Variants in PSIP1 observed in about 807,000 individuals in gnomAD.
The protein encoded by PSIP1 is PC4 and SRSF1 interacting protein 1, also known as PC4 and SFRS1-interacting protein.
Under a neutral mutation model 74.7 loss-of-function variants are expected in PSIP1, and 19 were observed. That is an observed-to-expected ratio of 0.25 (90% CI 0.18 to 0.37). The LOEUF (loss-of-function observed/expected upper bound fraction) is 0.37. Among genes scored for constraint, PSIP1 ranks in the 10% least tolerant of loss-of-function variants. The probability of loss-of-function intolerance (pLI) is 1.00; values close to 1 mark genes in which losing one functional copy is unlikely to be tolerated. For synonymous variants in PSIP1, 222 were observed against 195.3 expected (o/e 1.14, Z -1.14); for missense variants, 601 against 614.3 (o/e 0.98, Z 0.23).
At chr9:15,472,257 T>C (rs2035869432) in intron 10 of PSIP1, 1 of 996,016 alleles carries the variant, frequency 1.0e-6, no homozygotes, top group Admixed American at 6.0e-5. Context: ...GGTGGTGTGA[T>C]GAATAAGGGC....
At position 15,492,951 on chromosome 9, in the gene PSIP1, G is replaced by A. The variant is rs146576548; in HGVS notation, c.150-2827C>T. Among the ~76,000 whole-genome samples the A allele has an allele frequency of 4.0e-3, 607 of 152,312 alleles. 4 individuals carry two copies. The highest frequency in any genetic ancestry group is 8.5e-3 in the Admixed American group (130 of 15,298). ...CGCAGCAGGAAGGCCCGGGACCCAG[G>A]CCAGGAAACCATTTTTCCCTCCTAG... On this transcript the variant is annotated intron_variant, in intron 3 of 15. Transcript: ENST00000380733.
At chr9:15,466,487 G>C (rs2035635024) in intron 15 of PSIP1, among the ~76,000 whole-genome samples, 1 of 152,234 alleles carries the variant, frequency 6.6e-6, no homozygotes, top group African/African-American at 2.4e-5. Context: ...CAGTATCTCA[G>C]TAAAAGTAGT....
intron 3 of PSIP1, among the ~76,000 whole-genome samples, chr9:15,500,172 G>T (rs10283926): frequency 6.6e-6 from 1 of 152,210 alleles, no homozygotes; most frequent in Non-Finnish European, 1.5e-5. Flanking sequence ...TGCTGGTAAA[G>T]AGAGATCAAT....
intron 6 of PSIP1, among the ~76,000 whole-genome samples, chr9:15,482,506 G>C (rs537551572): frequency 6.0e-4 from 91 of 152,208 alleles, no homozygotes; most frequent in African/African-American, 2.1e-3. Context: ...TAATTTCCTA[G>C]TGTCCCAAGA....
At chr9:15,504,592 C>T (rs2037498322) in intron 3 of PSIP1, among the ~76,000 whole-genome samples, 2 of 151,992 alleles carry the variant, frequency 1.3e-5, no homozygotes, top group Admixed American at 6.6e-5. Flanking sequence ...AAAAAATTAG[C>T]CTGGCGTGGT....
chr9:15,488,787 C>T (rs1177725094), intron 4 of PSIP1, among the ~76,000 whole-genome samples: 7 of 151,942 alleles, frequency 4.6e-5, no homozygotes, highest in South Asian at 2.1e-4. Flanking sequence ...TCTGGGGGGC[C>T]GAGGCGGGCG....
chr9:15,466,974 A>AT, intron 14 of PSIP1, 115 bp from the exon 15 acceptor site: 1 of 724,972 alleles, frequency 1.4e-6, no homozygotes, highest in East Asian at 2.8e-5. Flanking sequence ...TCTACTACTT[A>AT]ATGTCTTTTA....
chr9:15,470,835 AAATG>A (rs2035792730), intron 10 of PSIP1: 2 of 1,053,352 alleles, frequency 1.9e-6, no homozygotes, highest in East Asian at 5.5e-5. Flanking sequence ...CTTCAAAACA[AAATG>A]AATTTTTATA....
rs770406689 is a variant in PSIP1, at chr9:15,465,506, C to G, written c.*14G>C. 2 of 1,527,534 alleles carry G rather than the reference C, an allele frequency of 1.3e-6. No individual in the cohort carries two copies. The highest frequency in any genetic ancestry group is 2.3e-5 in the South Asian group (2 of 85,412). 94.6% of individuals were successfully genotyped at this position (1,527,534 alleles called of 1,614,324 possible). A position where few individuals can be genotyped will look rare whatever the true frequency, so the allele number is the denominator to read the frequency against. ...AAACTTCTCAAGTGTTCTCTATATT[C>G]CAGGTATGTCAACCTAGTTATCTAG... On this transcript the variant is annotated 3_prime_UTR_variant, in exon 16 of 16. Coordinates refer to ENST00000380733, the MANE Select transcript of PSIP1 (RefSeq NM_033222.5).
intron 2 of PSIP1, among the ~76,000 whole-genome samples, chr9:15,509,227 C>T (rs1466124915): frequency 1.3e-5 from 2 of 152,082 alleles, no homozygotes; most frequent in African/African-American, 2.4e-5. Flanking sequence ...ACTTCAGAAC[C>T]CCATGTAAGT....
intron 10 of PSIP1, chr9:15,471,851 A>T: frequency 1.0e-6 from 1 of 970,814 alleles, no homozygotes; most frequent in Non-Finnish European, 1.2e-6. Flanking sequence ...TTTAAAAATC[A>T]CCTCACTAAA....
At chr9:15,494,006 T>C (rs1302465220) in intron 3 of PSIP1, among the ~76,000 whole-genome samples, 2 of 152,186 alleles carry the variant, frequency 1.3e-5, no homozygotes, top group Non-Finnish European at 2.9e-5. Context: ...CTGTCAGTTC[T>C]ATAAAGCTAG....
At chr9:15,503,791 G>T (rs1292858782) in intron 3 of PSIP1, among the ~76,000 whole-genome samples, 1 of 152,186 alleles carries the variant, frequency 6.6e-6, no homozygotes. Flanking sequence ...CTGTTGCCCA[G>T]GCTGGAGTGC....
chr9:15,500,738 G>C (rs534833526), intron 3 of PSIP1, among the ~76,000 whole-genome samples: 1 of 152,108 alleles, frequency 6.6e-6, no homozygotes. Flanking sequence ...TCCTAAAACT[G>C]AGCACCCAAC....
chr9:15,486,995 CTTTATT>C (rs2036585526), intron 4 of PSIP1, 64 bp from the exon 5 acceptor site: 4 of 1,073,444 alleles, frequency 3.7e-6, no homozygotes, highest in Middle Eastern at 3.0e-4. Flanking sequence ...ATATACAATT[CTTTATT>C]TTTATTTTTT....
chr9:15,471,431 A>T, intron 10 of PSIP1: 8 of 1,449,666 alleles, frequency 5.5e-6, no homozygotes, highest in Non-Finnish European at 7.3e-6. Context: ...GATAACTTTA[A>T]GATACTAAAG....
intron 3 of PSIP1, among the ~76,000 whole-genome samples, chr9:15,495,570 A>T (rs2037035308): frequency 6.6e-6 from 1 of 152,200 alleles, no homozygotes; most frequent in Non-Finnish European, 1.5e-5. Context: ...GTATTAAAAA[A>T]AATCTATCAA....
chr9:15,466,555 T>A (rs940506553), intron 15 of PSIP1, among the ~76,000 whole-genome samples, 193 bp downstream of exon 15: 70 of 152,362 alleles, frequency 4.6e-4, no homozygotes, highest in Non-Finnish European at 3.1e-4. Flanking sequence ...TCCCTTGAAT[T>A]CAGTGGCAAA....
chr9:15,483,574 A>T (rs1226970351), intron 6 of PSIP1, among the ~76,000 whole-genome samples: 1 of 152,190 alleles, frequency 6.6e-6, no homozygotes, highest in Non-Finnish European at 1.5e-5. Flanking sequence ...TTTTGTCTAA[A>T]AAAAAATGTA....
Sources: gnomAD v4.1 joint callset for allele counts (sites outside exome capture counted in the v4.1 genomes callset) on GRCh38, gnomAD v4.1.1 for gene constraint, MANE v1.5 for transcripts, NCBI Gene and HGNC (gene_info 2026-07-23, HGNC 2026-07-21) for gene names.